The following OXNAD1 variants were observed in gnomAD, a reference collection of about 807,000 sequenced individuals.
OXNAD1 encodes oxidoreductase NAD binding domain containing 1.
A neutral mutation model predicts 32.9 loss-of-function variants in OXNAD1; 34 were observed. The ratio of observed to expected loss-of-function variants is 1.03; its 90% CI spans 0.79 to 1.38. OXNAD1 has a LOEUF of 1.38. OXNAD1 is among the 40% of genes most tolerant of loss of function. OXNAD1 has a pLI of 0.00. For missense variants in OXNAD1, 407 were observed against 379.4 expected (o/e 1.07, Z -0.60); for synonymous variants, 134 against 135.2 (o/e 0.99, Z 0.06).
At position 16,301,763 on chromosome 3, in the gene OXNAD1, C is replaced by T. The variant is rs368424680; in HGVS notation, c.570C>T (p.His190=). The T allele has an allele frequency of 2.1e-5, 34 of 1,613,882 alleles. No homozygotes were observed. Among genetic ancestry groups the T allele is most frequent in the East Asian group, 1.1e-4 (5 of 44,878 alleles). Residue 190 remains histidine (H), a synonymous_variant, in exon 7 of 9, where the codon CAC becomes CAT. Transcript: ENST00000285083. The surrounding 1 kb of genome is among the most constrained non-coding windows in gnomAD (Gnocchi z 4.1). ...GINPLLSILR[H]AADLLREQAN... Reference sequence around the variant, plus strand: ...ACCCTCTGCTTTCCATCCTGCGGCACGCAGCAGATCTCCTCAGAGAGCAGG... The same window carrying T: ...ACCCTCTGCTTTCCATCCTGCGGCATGCAGCAGATCTCCTCAGAGAGCAGG...
At chr3:16,326,267 C>T (rs898247393) in intron 9 of OXNAD1, among the ~76,000 whole-genome samples, 2 of 152,252 alleles carry the variant, frequency 1.3e-5, no homozygotes, top group African/African-American at 4.8e-5. Flanking sequence ...AAAGGCAGGC[C>T]TTTACAGCCC....
chr3:16,271,627 A>G lies in OXNAD1; in HGVS notation c.120-32A>G. Reference sequence around the variant, plus strand: ...ATTTTATTATTTTTATGAGGATAATATGTAATAACCTAATTTTACTTTCTA... The same window carrying G: ...ATTTTATTATTTTTATGAGGATAATGTGTAATAACCTAATTTTACTTTCTA... On this transcript the variant is annotated intron_variant, in intron 3 of 8. Transcript: ENST00000285083. This position sits in a 1 kb window ranked among gnomAD's most constrained non-coding sequence, Gnocchi z 4.6. The G allele has an allele frequency of 2.7e-6, 4 of 1,490,046 alleles. No homozygotes were observed. In the Middle Eastern group the frequency reaches 7.0e-4, roughly 259 times the overall value. The allele number at this position is 1,490,046 out of a possible 1,614,324, so 92.3% of individuals were successfully genotyped here.
downstream of OXNAD1, among the ~76,000 whole-genome samples, chr3:16,308,891 AAATT>A (rs751947413): frequency 9.2e-5 from 14 of 152,202 alleles, no homozygotes; most frequent in African/African-American, 3.4e-4. The surrounding 1 kb of genome is among the most constrained non-coding windows in gnomAD (Gnocchi z 4.4). Flanking sequence ...TCCTTTTTAA[AAATT>A]AATTACCTAA....
chr3:16,302,186 AG>A lies in OXNAD1; in HGVS notation c.675+319del, dbSNP rs2067231233. Among the ~76,000 whole-genome samples the A allele has an allele frequency of 6.6e-6, 1 of 152,182 alleles. No individual in the cohort carries two copies. Among genetic ancestry groups the A allele is most frequent in the Non-Finnish European group, 1.5e-5 (1 of 68,026 alleles). ...CTACAGTGGACTAGTGTATCACAGG[AG>A]TAGGTAAGACTTAGACAGTTTGGAC... is the stretch of plus-strand genomic sequence containing the variant. On this transcript the variant is annotated intron_variant, in intron 7 of 8. Transcript: ENST00000285083. This position sits in a 1 kb window ranked among gnomAD's most constrained non-coding sequence, Gnocchi z 4.2.
intron 9 of OXNAD1, among the ~76,000 whole-genome samples, chr3:16,332,329 CATTTT>C (rs2070399905): frequency 8.5e-6 from 1 of 118,264 alleles, no homozygotes; most frequent in Admixed American, 9.0e-5. Flanking sequence ...AGATTTCCTT[CATTTT>C]GTCTTCCAAC....
chr3:16,309,484 T>TAACA (rs959348590), downstream of OXNAD1, among the ~76,000 whole-genome samples: 1 of 113,358 alleles, frequency 8.8e-6, no homozygotes, highest in East Asian at 2.5e-4. Flanking sequence ...TTTTTTTAAC[T>TAACA]AACAATTTTC....
chr3:16,325,330 G>A (rs548139580), intron 9 of OXNAD1, among the ~76,000 whole-genome samples: 77 of 152,310 alleles, frequency 5.1e-4, no homozygotes, highest in South Asian at 1.2e-3. Flanking sequence ...CCATTCCACC[G>A]TAAGTGGTCA....
chr3:16,331,864 CTT>C (rs1401188095), intron 9 of OXNAD1, among the ~76,000 whole-genome samples: 1 of 152,126 alleles, frequency 6.6e-6, no homozygotes, highest in Admixed American at 6.5e-5. Flanking sequence ...CTAAAAATGC[CTT>C]TGTGTTAACT....
chr3:16,324,637 A>C (rs1416008237), intron 9 of OXNAD1, among the ~76,000 whole-genome samples: 1 of 102,778 alleles, frequency 9.7e-6, no homozygotes, highest in Non-Finnish European at 2.0e-5. Flanking sequence ...AAGGTTGCAT[A>C]GTATTCCATT....
rs780279625 is a variant in OXNAD1, at chr3:16,348,910, G to A, written c.*31-266G>A. 1.1e-4 allele frequency among the ~76,000 whole-genome samples: 16 copies of A among 152,226 alleles called. No individual in the cohort carries two copies. Among genetic ancestry groups the A allele is most frequent in the Non-Finnish European group, 2.1e-4 (14 of 68,036 alleles). ...TCCACACACATTTCAGAACACCCGA[G>A]CAAGTGGCTGCTGCCAAGGAGGAGG... On this transcript the variant is annotated intron_variant, in intron 9 of 9. Coordinates refer to the OXNAD1 transcript ENST00000606098. This position sits in a 1 kb window ranked among gnomAD's most constrained non-coding sequence, Gnocchi z 6.3.
rs1432947801 is a variant in OXNAD1 at position 16,326,668 on chromosome 3, CT to C, written c.*31-10442del. The C allele has an allele frequency of 1.1e-5, 9 of 847,886 alleles. No individual in the cohort carries two copies. In the Admixed American group the frequency reaches 1.2e-4, roughly 12 times the overall value. The allele number at this position is 847,886 out of a possible 1,614,324, so 52.5% of individuals were successfully genotyped here. A position where few individuals can be genotyped will look rare whatever the true frequency, so the allele number is the denominator to read the frequency against. The stretch of plus-strand genomic sequence containing the variant: ...GGAGAGTTTACATAACTACCAGCCT[CT>C]TGCACAGGATTAAATAATTTATAGA... On this transcript the variant is annotated intron_variant, in intron 9 of 9. Transcript: ENST00000435829.
chr3:16,303,579 GA>G lies in OXNAD1; in HGVS notation c.*23del, dbSNP rs1559772513. Reference sequence around the variant, plus strand: ...TGGTGGTAGGAGGCAGACAAAGGCAGAAAAAATAAAGAGGTGAGATCTACTC... The same window carrying G: ...TGGTGGTAGGAGGCAGACAAAGGCAGAAAAATAAAGAGGTGAGATCTACTC... On this transcript the variant is annotated 3_prime_UTR_variant, in exon 9 of 9. Coordinates refer to ENST00000285083, the MANE Select transcript of OXNAD1 (RefSeq NM_138381.5). The surrounding 1 kb of genome is among the most constrained non-coding windows in gnomAD (Gnocchi z 4.8). 2.5e-6 allele frequency: 4 copies of G among 1,608,614 alleles called. No homozygotes were observed. Among genetic ancestry groups the G allele is most frequent in the Admixed American group, 1.7e-5 (1 of 59,278 alleles).
At chr3:16,283,753 A>T (rs893497883) in intron 4 of OXNAD1, among the ~76,000 whole-genome samples, 11 of 152,110 alleles carry the variant, frequency 7.2e-5, no homozygotes, top group African/African-American at 2.7e-4. Flanking sequence ...CCTACAGAAG[A>T]AGTGAGAGAA....
rs370820242 is a variant in OXNAD1, at chr3:16,345,788, CTGTGTGTGTGTGTGTGTG to C, written c.*31-3375_*31-3358del. Among the ~76,000 whole-genome samples, 1 of 127,174 alleles carries C rather than the reference CTGTGTGTGTGTGTGTGTG, an allele frequency of 7.9e-6. No homozygotes were observed. The highest frequency in any genetic ancestry group is 3.0e-5 in the African/African-American group (1 of 33,030). The allele number at this position is 127,174 out of a possible 152,430, so 83.4% of individuals were successfully genotyped here. On this transcript the variant is annotated intron_variant, in intron 9 of 9. Transcript: ENST00000606098. This position sits in a 1 kb window ranked among gnomAD's most constrained non-coding sequence, Gnocchi z 5.2. ...TGAGCCAAAACCTTATAATAAATCTCTGTGTGTGTGTGTGTGTGTGTGTGTGTGTGCGCGCGCGCGTGC... is the reference window on the plus strand; with the variant it reads ...TGAGCCAAAACCTTATAATAAATCTCTGTGTGTGTGTGCGCGCGCGCGTGC...
At chr3:16,326,514 G>A (rs1198895629) in intron 9 of OXNAD1, among the ~76,000 whole-genome samples, 3 of 152,214 alleles carry the variant, frequency 2.0e-5, no homozygotes, top group Non-Finnish European at 2.9e-5. Flanking sequence ...CTCAGTCTGA[G>A]CGGCTCATCT....
In OXNAD1 at chr3:16,303,903, A is replaced by T. The variant is rs2067365018; in HGVS notation, c.*341A>T. The T allele has an allele frequency of 6.2e-6, 1 of 161,406 alleles. No individual in the cohort carries two copies. Among genetic ancestry groups the T allele is most frequent in the Non-Finnish European group, 1.3e-5 (1 of 74,076 alleles). The allele number at this position is 161,406 out of a possible 1,614,324, so 10.0% of individuals were successfully genotyped here. ...TTATGTCTAATCATAGGAAAATGTGATTTTTGAGTATAAAATGTGGGCTAG... is the reference window on the plus strand; with the variant it reads ...TTATGTCTAATCATAGGAAAATGTGTTTTTTGAGTATAAAATGTGGGCTAG... On this transcript the variant is annotated 3_prime_UTR_variant, in exon 9 of 9. Transcript: ENST00000285083. The surrounding 1 kb of genome is among the most constrained non-coding windows in gnomAD (Gnocchi z 4.8).
chr3:16,300,010 C>G (rs1220238725), intron 6 of OXNAD1, among the ~76,000 whole-genome samples: 1 of 152,110 alleles, frequency 6.6e-6, no homozygotes, highest in East Asian at 1.9e-4. Flanking sequence ...ACCCATTTTC[C>G]AGGGGTGGCA....
At chr3:16,292,411 T>C (rs1160154902) in intron 5 of OXNAD1, among the ~76,000 whole-genome samples, 1 of 152,258 alleles carries the variant, frequency 6.6e-6, no homozygotes, top group Non-Finnish European at 1.5e-5. Flanking sequence ...CAAGCTGGTC[T>C]CGAACTCCTG....
Position 16,336,822 on chromosome 3 carries a change from C to A in OXNAD1, c.*31-290C>A, listed in dbSNP as rs2070898639. ...TTTCTCTACCAGGTAAGAAAGGCAG[C>A]AAACTCAGTAGCCTTTTAGGAGCTC... On this transcript the variant is annotated intron_variant, in intron 9 of 9. Transcript: ENST00000435829. This position sits in a 1 kb window ranked among gnomAD's most constrained non-coding sequence, Gnocchi z 6.0. Among the ~76,000 whole-genome samples the A allele has an allele frequency of 6.6e-6, 1 of 152,136 alleles. No homozygotes were observed. Among genetic ancestry groups the A allele is most frequent in the African/African-American group, 2.4e-5 (1 of 41,434 alleles).
Sources: allele counts gnomAD v4.1 joint callset (sites outside exome capture counted in the v4.1 genomes callset), GRCh38; gene constraint gnomAD v4.1.1; non-coding constraint Gnocchi (gnomAD v3.1); transcripts MANE v1.5; gene names NCBI Gene and HGNC (gene_info 2026-07-23, HGNC 2026-07-21).